XKR5: variants seen among roughly 807,000 people sequenced by gnomAD.
The protein encoded by XKR5 is XK related 5, also known as XK-related protein 5.
XKR5 carries 46 observed loss-of-function variants against 40.8 expected under a neutral mutation model. The observed-to-expected ratio is 1.13, with a 90% CI of 0.89 to 1.44. The LOEUF is 1.44. Ranked by LOEUF, XKR5 falls within the 40% of genes most tolerant of loss-of-function variation. The pLI, the probability that XKR5 is intolerant of heterozygous loss-of-function variation, is 0.00. For missense variants in XKR5, 1,169 were observed against 844.7 expected, an observed-to-expected ratio of 1.38 and a Z score of -4.76; for synonymous variants, 466 against 356.1, an observed-to-expected ratio of 1.31 and a Z score of -3.48.
rs1282961165 is a variant in XKR5 at position 6,821,975 on chromosome 8, G to C, written c.701C>G (p.Thr234Ser). Residue 234 changes from threonine (T) to serine (S), a missense_variant, in exon 5 of 7, where the codon ACC becomes AGC. Physicochemically the swap from Thr to Ser is moderately conservative, Grantham distance 58 (BLOSUM62 1). Coordinates refer to ENST00000618742, the MANE Select transcript of XKR5 (RefSeq NM_207411.5). ...VAQQSDIIDS[T>S]CHWRLFNLLV... Reference sequence around the variant, plus strand: ...CAGGTTGAACAGCCTCCAGTGGCAGGTGCTGTCGATGATGTCACTCTGCTG... The same window carrying C: ...CAGGTTGAACAGCCTCCAGTGGCAGCTGCTGTCGATGATGTCACTCTGCTG... The C allele has an allele frequency of 3.7e-6, 6 of 1,609,508 alleles. No individual in the cohort carries two copies. The highest frequency in any genetic ancestry group is 5.1e-6 in the Non-Finnish European group (6 of 1,177,950).
rs556320818 is a variant in XKR5 at position 6,825,412 on chromosome 8, C to A, written c.243-63G>T. The A allele has an allele frequency of 2.8e-6, 4 of 1,437,600 alleles. No individual in the cohort carries two copies. In the African/African-American group the frequency reaches 5.8e-5, roughly 21 times the overall value. The allele number at this position is 1,437,600 out of a possible 1,614,324, so 89.1% of individuals were successfully genotyped here. A position where few individuals can be genotyped will look rare whatever the true frequency, so the allele number is the denominator to read the frequency against. On this transcript the variant is annotated intron_variant, in intron 2 of 6. Transcript: ENST00000618742. ...CTGTGGCGAGATTCAATAGGACGAG[C>A]TTTCATTTAGAGACATACTACATGC...
At chr8:6,823,866 T>G in intron 3 of XKR5, 136 bp from the exon 4 acceptor site, 1 of 725,734 alleles carries the variant, frequency 1.4e-6, no homozygotes, top group Non-Finnish European at 2.3e-6. Flanking sequence ...AGAGTATTAC[T>G]AACCCACCAC....
chr8:6,815,360 A>G (rs965822789), intron 6 of XKR5, among the ~76,000 whole-genome samples: 2 of 152,108 alleles, frequency 1.3e-5, no homozygotes, highest in African/African-American at 4.8e-5. Context: ...GTTACAAACC[A>G]TTGGATCTTT....
At chr8:6,821,131 T>A (rs1804209474) in intron 5 of XKR5, among the ~76,000 whole-genome samples, 1 of 152,216 alleles carries the variant, frequency 6.6e-6, no homozygotes, top group Non-Finnish European at 1.5e-5. Flanking sequence ...AGCCAGCTGG[T>A]GGTAGCAGTC....
intron 2 of XKR5, among the ~76,000 whole-genome samples, chr8:6,828,586 G>A (rs969214212): frequency 2.0e-5 from 3 of 152,182 alleles, no homozygotes; most frequent in Admixed American, 6.5e-5. Context: ...GATGGAGAGC[G>A]TGGGGATTTG....
Position 6,812,212 on chromosome 8 carries a change from C to T in XKR5, c.1047G>A (p.Arg349=), listed in dbSNP as rs1260862028. Residue 349 remains arginine, a synonymous_variant, in exon 7 of 7, where the codon CGG becomes CGA. Transcript: ENST00000618742. The part of the protein sequence containing the change: ...GDKTERRDSP[R]ATDLAGKRTE... ...TTCTCTTCCCAGCTAGATCTGTGGC[C>T]CGGGGAGAATCTCTTCTCTCTGTTT... The T allele has an allele frequency of 6.4e-7, 1 of 1,551,876 alleles. No homozygotes were observed. Among genetic ancestry groups the T allele is most frequent in the East Asian group, 2.4e-5 (1 of 40,934 alleles).
chr8:6,825,333 G>C lies in XKR5; in HGVS notation c.259C>G (p.Leu87Val). ...GVWKRHWDAA[L>V]TSLQKELEAP... ...TCCAGTTCCTTCTGCAGACTGGTCAGTGCAGCGTCCCAGTGCCTAGGGAAC... is the reference window on the plus strand; with the variant it reads ...TCCAGTTCCTTCTGCAGACTGGTCACTGCAGCGTCCCAGTGCCTAGGGAAC... Residue 87 changes from leucine (L) to valine (V), a missense_variant, in exon 3 of 7, where the codon CTG (leucine) becomes GTG (valine). By Grantham distance (32) the Leu-to-Val change is conservative (BLOSUM62 1). Transcript: ENST00000618742. 10 of 1,577,658 alleles carry C rather than the reference G, an allele frequency of 6.3e-6. No homozygotes were observed. The highest frequency in any genetic ancestry group is 6.0e-6 in the Non-Finnish European group (7 of 1,165,868).
intron 5 of XKR5, 41 bp from the exon 6 acceptor site, chr8:6,815,959 C>A (rs777400016): frequency 6.8e-7 from 1 of 1,479,360 alleles, no homozygotes; most frequent in South Asian, 1.2e-5. Context: ...TCGTCAGGTG[C>A]ACACTGCCTA....
rs544906284 is a variant in XKR5, at chr8:6,823,430, T to C, written c.637+91A>G. The C allele has an allele frequency of 2.2e-3, 3,078 of 1,378,670 alleles. 66 individuals are homozygous for C. The South Asian group carries it at 0.036, about 16-fold the overall frequency. 85.4% of individuals were successfully genotyped at this position (1,378,670 alleles called of 1,614,324 possible). A position where few individuals can be genotyped will look rare whatever the true frequency, so the allele number is the denominator to read the frequency against. On this transcript the variant is annotated intron_variant, in intron 4 of 6. Coordinates refer to ENST00000618742, the MANE Select transcript of XKR5 (RefSeq NM_207411.5). ...GCCCAGTCAGCCTTCAGGCCTGGGA[T>C]TGAGGATCATATGTGGTTATTCTTG...
At chr8:6,816,921 C>G (rs529621374) in intron 5 of XKR5, among the ~76,000 whole-genome samples, 3 of 152,080 alleles carry the variant, frequency 2.0e-5, no homozygotes, top group Non-Finnish European at 4.4e-5. Context: ...GGAGCTGCTT[C>G]GTAATCCTAT....
At position 6,808,592 on chromosome 8, in the gene XKR5, G is replaced by T. The variant is rs1803542128; in HGVS notation, c.*2606C>A. The T allele has an allele frequency of 6.6e-6, 1 of 151,982 alleles. No homozygotes were observed. The highest frequency in any genetic ancestry group is 2.1e-4 in the South Asian group (1 of 4,796). The allele number at this position is 151,982 out of a possible 1,614,324, so 9.4% of individuals were successfully genotyped here. ...TATTTTCTGATCCTTTTCATCACCG[G>T]GCAATATGCTTTCTGGAGGCATGAA... is the stretch of plus-strand genomic sequence containing the variant. On this transcript the variant is annotated 3_prime_UTR_variant, in exon 7 of 7. Coordinates refer to ENST00000618742, the MANE Select transcript of XKR5 (RefSeq NM_207411.5).
chr8:6,834,699 G>T (rs1012684582), intron 1 of XKR5, among the ~76,000 whole-genome samples: 1 of 147,228 alleles, frequency 6.8e-6, no homozygotes, highest in African/African-American at 2.7e-5. Flanking sequence ...CTCTGCCCGG[G>T]AAAAAGCTTC....
rs761561839 is a variant in XKR5 at position 6,815,875 on chromosome 8, T to C, written c.851A>G (p.Asp284Gly). 26 of 1,604,842 alleles carry C rather than the reference T, an allele frequency of 1.6e-5. No individual in the cohort carries two copies. Among genetic ancestry groups the C allele is most frequent in the Non-Finnish European group, 2.0e-5 (24 of 1,175,910 alleles). Residue 284 changes from aspartate to glycine, a missense_variant, in exon 6 of 7, where the codon GAC becomes GGC. Coordinates refer to ENST00000618742, the MANE Select transcript of XKR5 (RefSeq NM_207411.5). ...ENIILLLLAT[D>G]FLQGASWTSL... The stretch of plus-strand genomic sequence containing the variant: ...GGTCCACGATGCCCCCTGGAGAAAG[T>C]CGGTGGCCAACAGCAACAGGATGAT...
At chr8:6,827,962 G>A (rs548493702) in intron 2 of XKR5, among the ~76,000 whole-genome samples, 8 of 152,216 alleles carry the variant, frequency 5.3e-5, no homozygotes, top group African/African-American at 1.9e-4. Context: ...CAGCTACTCA[G>A]GAGGCTGAGA....
At position 6,825,319 on chromosome 8, in the gene XKR5, C is replaced by G; in HGVS notation, c.273G>C (p.Gln91His). Residue 91 changes from glutamine (Q) to histidine (H), a missense_variant, in exon 3 of 7, where the codon CAG (glutamine) becomes CAC (histidine). Transcript: ENST00000618742. ...RHWDAALTSL[Q>H]KELEAPHRGW... The stretch of plus-strand genomic sequence containing the variant: ...CTCGGTGGGGAGCCTCCAGTTCCTT[C>G]TGCAGACTGGTCAGTGCAGCGTCCC... 6.2e-7 allele frequency: 1 copy of G among 1,600,152 alleles called. No homozygotes were observed. Among genetic ancestry groups the G allele is most frequent in the Non-Finnish European group, 8.5e-7 (1 of 1,174,848 alleles).
At chr8:6,818,650 G>A (rs529225790) in intron 5 of XKR5, among the ~76,000 whole-genome samples, 1 of 152,372 alleles carries the variant, frequency 6.6e-6, no homozygotes, top group East Asian at 1.9e-4. Context: ...ACCTGTGGCT[G>A]TCTCCAGACG....
At position 6,820,009 on chromosome 8, in the gene XKR5, G is replaced by A. The variant is rs552054080; in HGVS notation, c.807+1860C>T. On this transcript the variant is annotated intron_variant, in intron 5 of 6. Transcript: ENST00000618742. ...TACCTGTGCCAGGCACCAGGCTCTT[G>A]GCTTTCTATCCATCACCTTATCAAT... is the stretch of plus-strand genomic sequence containing the variant. 1.4e-3 allele frequency among the ~76,000 whole-genome samples: 210 copies of A among 152,318 alleles called. 3 individuals are homozygous for A. The South Asian group carries it at 0.039, about 29-fold the overall frequency.
intron 5 of XKR5, among the ~76,000 whole-genome samples, chr8:6,816,860 G>A (rs1166703696): frequency 6.6e-6 from 1 of 151,736 alleles, no homozygotes; most frequent in African/African-American, 2.4e-5. Flanking sequence ...CATTGGCTTC[G>A]TTTTTCACTC....
At chr8:6,826,984 T>G (rs910579567) in intron 2 of XKR5, among the ~76,000 whole-genome samples, 1 of 152,174 alleles carries the variant, frequency 6.6e-6, no homozygotes. Context: ...AACATGTCCT[T>G]GCTTCAGTCT....
Sources: allele counts gnomAD v4.1 joint callset (sites outside exome capture counted in the v4.1 genomes callset), GRCh38; gene constraint gnomAD v4.1.1; transcripts MANE v1.5; gene names NCBI Gene and HGNC (gene_info 2026-07-23, HGNC 2026-07-21).